BLTP1: variants seen among roughly 807,000 people sequenced by gnomAD.
BLTP1 encodes fragile site-associated protein.
At chr4:122,254,632 G>A in the BLTP1 span, 1 of 758,748 alleles carries the variant, frequency 1.3e-6, no homozygotes, top group East Asian at 2.8e-4. Flanking sequence ...CTTTTCTATT[G>A]TCCATTTTTT....
At chr4:122,190,174 A>G in the BLTP1 span, 2 of 1,467,492 alleles carry the variant, frequency 1.4e-6, no homozygotes, top group East Asian at 2.4e-5. Context: ...ATAGTCCACT[A>G]TACCCTTGAC....
the BLTP1 span, chr4:122,343,397 G>C: frequency 1.2e-6 from 2 of 1,611,594 alleles, no homozygotes; most frequent in South Asian, 1.1e-5. Flanking sequence ...TCAATTTCCT[G>C]TGCTCACTGT....
the BLTP1 span, chr4:122,286,814 T>C: frequency 1.3e-6 from 2 of 1,587,126 alleles, no homozygotes; most frequent in Admixed American, 3.5e-5. Flanking sequence ...TTTCTTACTC[T>C]TCGTAATTTA....
At chr4:122,316,645 TTTG>T in the BLTP1 span, 1 of 1,520,162 alleles carries the variant, frequency 6.6e-7, no homozygotes, top group Non-Finnish European at 8.9e-7. Context: ...TCTTGCATGC[TTTG>T]ATTTAAGGTG....
the BLTP1 span, chr4:122,249,631 A>T: frequency 6.2e-7 from 1 of 1,613,792 alleles, no homozygotes; most frequent in South Asian, 1.1e-5. Context: ...CAGCCAAGAA[A>T]AATGGGGATG....
chr4:122,316,649 A>T, the BLTP1 span: 1 of 1,536,612 alleles, frequency 6.5e-7, no homozygotes, highest in Non-Finnish European at 8.8e-7. Context: ...GCATGCTTTG[A>T]TTTAAGGTGT....
chr4:122,341,105 T>C, the BLTP1 span, among the ~76,000 whole-genome samples: 3 of 152,164 alleles, frequency 2.0e-5, no homozygotes, highest in Non-Finnish European at 4.4e-5. Flanking sequence ...GTTATTTTGC[T>C]TTCAAAATAA....
chr4:122,332,165 G>A, the BLTP1 span, among the ~76,000 whole-genome samples: 1 of 151,828 alleles, frequency 6.6e-6, no homozygotes, highest in Non-Finnish European at 1.5e-5. Context: ...TTGAAACTGG[G>A]TAGTGGGAAC....
At chr4:122,187,502 A>G in the BLTP1 span, 3 of 1,612,094 alleles carry the variant, frequency 1.9e-6, no homozygotes, top group Non-Finnish European at 2.5e-6. Flanking sequence ...ATAAAGGTCA[A>G]TGTGAGCACA....
chr4:122,291,944 A>T, the BLTP1 span: 1 of 289,052 alleles, frequency 3.5e-6, no homozygotes, highest in Non-Finnish European at 5.1e-6. Context: ...TAGGCCTTTA[A>T]GGTGTGCTCA....
chr4:122,254,995 G>A, the BLTP1 span: 1 of 1,531,038 alleles, frequency 6.5e-7, no homozygotes, highest in South Asian at 1.2e-5. Context: ...ACAAACTTTA[G>A]TATTGAAAAT....
At chr4:122,314,837 T>C in the BLTP1 span, among the ~76,000 whole-genome samples, 1 of 152,148 alleles carries the variant, frequency 6.6e-6, no homozygotes, top group East Asian at 1.9e-4. Context: ...AAGGATATTT[T>C]CAGACTACAG....
At chr4:122,214,311 G>A in the BLTP1 span, 1 of 926,422 alleles carries the variant, frequency 1.1e-6, no homozygotes, top group Non-Finnish European at 1.3e-6. Context: ...GAATTCTTAA[G>A]TAAATTGAAA....
At chr4:122,296,958 A>G in the BLTP1 span, among the ~76,000 whole-genome samples, 1 of 152,232 alleles carries the variant, frequency 6.6e-6, no homozygotes, top group Non-Finnish European at 1.5e-5. Context: ...ACCCAAAACT[A>G]TAAAAACCCT....
At chr4:122,200,351 G>T in the BLTP1 span, 1 of 852,312 alleles carries the variant, frequency 1.2e-6, no homozygotes, top group Non-Finnish European at 1.4e-6. Flanking sequence ...GCTGAGGCAG[G>T]CGGATCACTT....
At chr4:122,297,289 C>T in the BLTP1 span, among the ~76,000 whole-genome samples, 25 of 152,056 alleles carry the variant, frequency 1.6e-4, no homozygotes, top group Non-Finnish European at 3.5e-4. Context: ...ACGTGGCCAA[C>T]AAACGTATGA....
chr4:122,329,123 T>C, the BLTP1 span, among the ~76,000 whole-genome samples: 1 of 151,832 alleles, frequency 6.6e-6, no homozygotes, highest in East Asian at 1.9e-4. Context: ...TCCTTCATTT[T>C]TCTGGAGTAC....
the BLTP1 span, chr4:122,202,645 T>A: frequency 2.2e-6 from 1 of 447,504 alleles, no homozygotes; most frequent in Non-Finnish European, 3.0e-6. Flanking sequence ...TCCTTCACAT[T>A]ACTTTTCTTC....
chr4:122,211,645 C>T, the BLTP1 span, among the ~76,000 whole-genome samples: 1 of 152,088 alleles, frequency 6.6e-6, no homozygotes, highest in Admixed American at 6.6e-5. Context: ...TGCACTAATG[C>T]TTAGAACAAA....
Sources: gnomAD v4.1 joint callset for allele counts (sites outside exome capture counted in the v4.1 genomes callset) on GRCh38, gnomAD v4.1.1 for gene constraint, MANE v1.5 for transcripts, NCBI Gene and HGNC (gene_info 2026-07-23, HGNC 2026-07-21) for gene names.